The following SEPTIN5 variants were observed in gnomAD, a reference collection of about 807,000 sequenced individuals.
The protein encoded by SEPTIN5 is septin-5.
Under a neutral mutation model 51.2 loss-of-function variants are expected in SEPTIN5, and 16 were observed. The observed-to-expected ratio is 0.31, with a 90% CI of 0.21 to 0.47. SEPTIN5 has a LOEUF of 0.47. Among genes scored for constraint, SEPTIN5 ranks in the 20% least tolerant of loss-of-function variants. The pLI is 0.99. For missense variants in SEPTIN5, 376 were observed against 500.3 expected, an observed-to-expected ratio of 0.75 and a Z score of 2.37; for synonymous variants, 208 against 191.2, an observed-to-expected ratio of 1.09 and a Z score of -0.72.
chr22:19,722,071 G>GCCCC, intron 10 of SEPTIN5, 114 bp downstream of exon 10: 3 of 1,271,440 alleles, frequency 2.4e-6, no homozygotes, highest in South Asian at 2.9e-5. Flanking sequence ...CATTCCCTAA[G>GCCCC]CCCCCCCCCT....
rs115821454 is a variant in SEPTIN5, at chr22:19,720,099, G to A, written c.239-16G>A. 4,273 of 1,612,880 alleles carry A rather than the reference G, an allele frequency of 2.6e-3. 90 individuals are homozygous for A. The African/African-American group carries it at 0.049, about 18-fold the overall frequency. On this transcript the variant is annotated splice_polypyrimidine_tract_variant and intron_variant, in intron 4 of 11. Transcript: ENST00000455784. ...TGAGGGTTGGAGAGGCCCTTCCAGT[G>A]GCCCCTTCCCCGTAGAGCGCATCAG... is the stretch of plus-strand genomic sequence containing the variant.
chr22:19,722,047 C>A, intron 10 of SEPTIN5, 90 bp downstream of exon 10: 1 of 1,499,756 alleles, frequency 6.7e-7, no homozygotes, highest in Non-Finnish European at 9.0e-7. Flanking sequence ...CCCACCCAGA[C>A]TTGAACTTTG....
At chr22:19,719,005 G>C in intron 2 of SEPTIN5, 1 of 564,608 alleles carries the variant, frequency 1.8e-6, no homozygotes, top group Non-Finnish European at 2.6e-6. Flanking sequence ...CACCTCACGC[G>C]ACTCCAAAAC....
In SEPTIN5 at chr22:19,719,589, ATCCTG is replaced by A. The variant is rs1568996434; in HGVS notation, c.55-9_55-5del. ...AACCTTTGTGTCCCTACCCTGTTCC[ATCCTG>A]TCCCCAGGACATTGACAAGCAGTAC... On this transcript the variant is annotated splice_polypyrimidine_tract_variant and splice_region_variant and intron_variant, in intron 2 of 11. Transcript: ENST00000455784. 6.2e-7 allele frequency: 1 copy of A among 1,608,108 alleles called. No homozygotes were observed. Among genetic ancestry groups the A allele is most frequent in the Admixed American group, 1.7e-5 (1 of 59,920 alleles).
intron 2 of SEPTIN5, chr22:19,718,374 C>G: frequency 4.0e-6 from 4 of 1,012,504 alleles, no homozygotes; most frequent in Non-Finnish European, 4.7e-6. Context: ...AATTTCCAGG[C>G]GACCGTTTCC....
At chr22:19,718,405 G>A (rs1035777599) in intron 2 of SEPTIN5, 193 of 1,044,672 alleles carry the variant, frequency 1.8e-4, no homozygotes, top group Non-Finnish European at 2.2e-4. Context: ...GGGCGGGGCC[G>A]TCTCTGCCGC....
chr22:19,718,552 G>C (rs772294164), intron 2 of SEPTIN5: 4 of 1,286,918 alleles, frequency 3.1e-6, no homozygotes, highest in Admixed American at 6.2e-5. Context: ...GGTCGGCCTC[G>C]GGGGTCGACG....
Position 19,722,701 on chromosome 22 carries a change from C to T in SEPTIN5, c.*217C>T. ...CTCTCTGACCTTGGGGGATCAGGAGCGAAGTTGGGCGGGACTTCAGAGATC... is the reference window on the plus strand; with the variant it reads ...CTCTCTGACCTTGGGGGATCAGGAGTGAAGTTGGGCGGGACTTCAGAGATC... On this transcript the variant is annotated 3_prime_UTR_variant, in exon 12 of 12. Coordinates refer to ENST00000455784, the MANE Select transcript of SEPTIN5 (RefSeq NM_002688.6). 1 of 594,876 alleles carries T rather than the reference C, an allele frequency of 1.7e-6. No individual in the cohort carries two copies. Among genetic ancestry groups the T allele is most frequent in the South Asian group, 2.0e-5 (1 of 49,852 alleles). 36.8% of individuals were successfully genotyped at this position (594,876 alleles called of 1,614,324 possible).
rs117912592 is a variant in SEPTIN5, at chr22:19,722,689, G to A, written c.*205G>A. ...GCCCAGCTGGCCCTCTCTGACCTTGGGGGATCAGGAGCGAAGTTGGGCGGG... is the reference window on the plus strand; with the variant it reads ...GCCCAGCTGGCCCTCTCTGACCTTGAGGGATCAGGAGCGAAGTTGGGCGGG... On this transcript the variant is annotated 3_prime_UTR_variant, in exon 12 of 12. Coordinates refer to ENST00000455784, the MANE Select transcript of SEPTIN5 (RefSeq NM_002688.6). 0.012 allele frequency: 7,424 copies of A among 620,108 alleles called. 70 individuals are homozygous for A. Among genetic ancestry groups the A allele is most frequent in the Non-Finnish European group, 0.015 (5,388 of 357,798 alleles). The allele number at this position is 620,108 out of a possible 1,614,324, so 38.4% of individuals were successfully genotyped here.
Position 19,721,658 on chromosome 22 carries a change from G to C in SEPTIN5, c.736G>C (p.Val246Leu), listed in dbSNP as rs752488791. The C allele has an allele frequency of 3.1e-6, 5 of 1,612,708 alleles. No homozygotes were observed. In the South Asian group the frequency reaches 3.3e-5, roughly 11 times the overall value. The change falls in exon 9 of 12, where the codon GTT becomes CTT. Residue 246 changes from valine to leucine, a missense_variant. Physicochemically the swap from Val to Leu is conservative, Grantham distance 32. This residue lies in a region of SEPTIN5 where 287 missense variants were observed against 417.1 expected (regional missense o/e 0.69). Coordinates refer to ENST00000455784, the MANE Select transcript of SEPTIN5 (RefSeq NM_002688.6). ...CCCCCAGGAGAGCGCGCCCTTCGCC[G>C]TTATAGGCAGCAACACGGTGGTGGA... ...RELKESAPFA[V>L]IGSNTVVEAK...
chr22:19,717,425 C>A (rs759496972), intron 2 of SEPTIN5: 2 of 458,388 alleles, frequency 4.4e-6, no homozygotes, highest in East Asian at 1.4e-4. Flanking sequence ...CCAGTCCCTC[C>A]AATCCTGTGG....
chr22:19,715,382 T>A (rs1935898282), intron 2 of SEPTIN5, among the ~76,000 whole-genome samples: 1 of 152,222 alleles, frequency 6.6e-6, no homozygotes, highest in Non-Finnish European at 1.5e-5. Flanking sequence ...ACAAATAGGC[T>A]TGTGGCTTCT....
At chr22:19,717,919 AACGCGCGCACGC>A (rs764983884) in intron 2 of SEPTIN5, 390 of 155,044 alleles carry the variant, frequency 2.5e-3, no homozygotes, top group Non-Finnish European at 3.8e-3. Context: ...CGCACACACA[AACGCGCGCACGC>A]ACGCACGCAC....
chr22:19,720,679 TC>T lies in SEPTIN5; in HGVS notation c.615+14del. On this transcript the variant is annotated intron_variant, in intron 7 of 11. Transcript: ENST00000455784. The stretch of plus-strand genomic sequence containing the variant: ...GCTGAAGGAGCGGGTGAGCCTGCCG[TC>T]GCACAGGGGCCTGGCCAGGGCCCTG... The T allele has an allele frequency of 6.2e-7, 1 of 1,612,844 alleles. No homozygotes were observed.
chr22:19,723,282 C>T lies in SEPTIN5; in HGVS notation c.*798C>T, dbSNP rs185431344. On this transcript the variant is annotated 3_prime_UTR_variant, in exon 12 of 12. Coordinates refer to ENST00000455784, the MANE Select transcript of SEPTIN5 (RefSeq NM_002688.6). ...TTTTCTTCCGTTGTGAATGCCGCGT[C>T]CTGTCCTGGTGACAGGAGAACAATG... 919 of 694,178 alleles carry T rather than the reference C, an allele frequency of 1.3e-3. 2 individuals are homozygous for T. The highest frequency in any genetic ancestry group is 2.0e-3 in the Non-Finnish European group (761 of 379,870). The allele number at this position is 694,178 out of a possible 1,614,324, so 43.0% of individuals were successfully genotyped here. A position where few individuals can be genotyped will look rare whatever the true frequency, so the allele number is the denominator to read the frequency against.
Position 19,719,798 on chromosome 22 carries a change from G to A in SEPTIN5, c.152-8G>A. ...CTAACGCAGCTCCTTCTCTGTACCT[G>A]TGTGCAGGTGAGTCAGGCCTGGGGA... On this transcript the variant is annotated splice_region_variant and splice_polypyrimidine_tract_variant and intron_variant, in intron 3 of 11. Coordinates refer to ENST00000455784, the MANE Select transcript of SEPTIN5 (RefSeq NM_002688.6). The A allele has an allele frequency of 6.2e-7, 1 of 1,613,006 alleles. No homozygotes were observed. The highest frequency in any genetic ancestry group is 1.1e-5 in the South Asian group (1 of 91,086).
At position 19,723,273 on chromosome 22, in the gene SEPTIN5, A is replaced by G. The variant is rs1422038740; in HGVS notation, c.*789A>G. ...GATGCTCCGTTTTCTTCCGTTGTGA[A>G]TGCCGCGTCCTGTCCTGGTGACAGG... is the stretch of plus-strand genomic sequence containing the variant. On this transcript the variant is annotated 3_prime_UTR_variant, in exon 12 of 12. Transcript: ENST00000455784. 1.5e-6 allele frequency: 1 copy of G among 688,644 alleles called. No homozygotes were observed. The highest frequency in any genetic ancestry group is 2.0e-5 in the Admixed American group (1 of 49,506). 42.7% of individuals were successfully genotyped at this position (688,644 alleles called of 1,614,324 possible).
chr22:19,720,154 T>C lies in SEPTIN5; in HGVS notation c.278T>C (p.Val93Ala). Residue 93 changes from valine to alanine, a missense_variant, in exon 5 of 12, where the codon GTG (valine) becomes GCG (alanine). Transcript: ENST00000455784. The stretch of plus-strand genomic sequence containing the variant: ...ACGGTAGAGATTCTAAAACACACGG[T>C]GGACATTGAGGAGAAGGGAGTCAAG... ...SQTVEILKHT[V>A]DIEEKGVKLK... The C allele has an allele frequency of 6.2e-7, 1 of 1,613,230 alleles. No homozygotes were observed. The highest frequency in any genetic ancestry group is 8.5e-7 in the Non-Finnish European group (1 of 1,179,964).
intron 8 of SEPTIN5, 56 bp downstream of exon 8, chr22:19,720,925 G>A (rs1936018193): frequency 6.8e-7 from 1 of 1,481,326 alleles, no homozygotes; most frequent in Admixed American, 1.7e-5. Context: ...GGCAGAACCA[G>A]AGGGCTTTGT....
Sources: allele counts gnomAD v4.1 joint callset (sites outside exome capture counted in the v4.1 genomes callset), GRCh38; gene constraint gnomAD v4.1.1; regional missense constraint gnomAD v4.1.1; transcripts MANE v1.5; gene names NCBI Gene and HGNC (gene_info 2026-07-23, HGNC 2026-07-21).